Variants in MYO10 observed in about 807,000 individuals in gnomAD.
MYO10 encodes myosin X.
In MYO10, 133 loss-of-function variants were observed where a neutral mutation model predicts 257.3. The observed-to-expected ratio is 0.52, with a 90% CI of 0.45 to 0.60. The LOEUF is 0.60. Ranked by LOEUF, MYO10 falls within the 20% of genes least tolerant of loss-of-function variation. MYO10 has a pLI of 0.00. For synonymous variants in MYO10, 1,104 were observed against 1,028.6 expected (o/e 1.07, Z -1.40); for missense variants, 2,399 against 2,635.7 (o/e 0.91, Z 1.97).
rs911193315 is a variant in MYO10 at position 16,670,650 on chromosome 5, G to A, written c.5759C>T (p.Ala1920Val). 6.2e-7 allele frequency: 1 copy of A among 1,614,008 alleles called. No individual in the cohort carries two copies. The highest frequency in any genetic ancestry group is 8.5e-7 in the Non-Finnish European group (1 of 1,179,888). The change falls in exon 39 of 41, where the codon GCT (alanine) becomes GTT (valine). Residue 1920 changes from alanine to valine, a missense_variant. Coordinates refer to ENST00000513610, the MANE Select transcript of MYO10 (RefSeq NM_012334.3). ...DMWIKEEVSS[A>V]RASIIDKWRK... ...CCACTTGTCAATGATACTGGCTCGA[G>A]CAGAGGAGACTTCTTCCTTAATCCA...
chr5:16,811,992 C>T lies in MYO10; in HGVS notation c.279+6017G>A, dbSNP rs554415905. Among the ~76,000 whole-genome samples the T allele has an allele frequency of 9.2e-4, 140 of 152,320 alleles. 1 individual carries two copies. Among genetic ancestry groups the T allele is most frequent in the African/African-American group, 3.3e-3 (136 of 41,572 alleles). On this transcript the variant is annotated intron_variant, in intron 3 of 40. Coordinates refer to ENST00000513610, the MANE Select transcript of MYO10 (RefSeq NM_012334.3). ...TCCTCCTCTCCTTAGCGGGTATTTGCCCTTGCCAGGTCTTAGCAGGCGGTG... is the reference window on the plus strand; with the variant it reads ...TCCTCCTCTCCTTAGCGGGTATTTGTCCTTGCCAGGTCTTAGCAGGCGGTG...
chr5:16,721,071 A>G (rs542042048), intron 19 of MYO10, among the ~76,000 whole-genome samples: 3 of 152,092 alleles, frequency 2.0e-5, no homozygotes, highest in Non-Finnish European at 4.4e-5. Context: ...AAAATAAACA[A>G]CCTTATCTTC....
chr5:16,773,513 T>G (rs969628066), intron 9 of MYO10, among the ~76,000 whole-genome samples: 10 of 151,994 alleles, frequency 6.6e-5, no homozygotes, highest in African/African-American at 2.4e-4. Context: ...AAATTAAAAA[T>G]TCGCCTAGTG....
At position 16,685,858 on chromosome 5, in the gene MYO10, A is replaced by T. The variant is rs777142004; in HGVS notation, c.3897-27T>A. ...TGTGGGGAAGAGAGAGCAACTGTCA[A>T]GGAGAGGCCAACCTCGTACTGGCAA... is the stretch of plus-strand genomic sequence containing the variant. On this transcript the variant is annotated intron_variant, in intron 28 of 40. Coordinates refer to ENST00000513610, the MANE Select transcript of MYO10 (RefSeq NM_012334.3). 3 of 1,556,048 alleles carry T rather than the reference A, an allele frequency of 1.9e-6. 1 individual carries two copies. In the South Asian group the frequency reaches 3.5e-5, roughly 18 times the overall value.
At position 16,702,921 on chromosome 5, in the gene MYO10, G is replaced by A. The variant is rs1205116284; in HGVS notation, c.2510+4C>T. On this transcript the variant is annotated splice_donor_region_variant and intron_variant, in intron 23 of 40. Transcript: ENST00000513610. ...GTTTCATCCCAGCAAGAAAGGTACT[G>A]TACCTTTCTTCTTCCTCCCGTTTCT... The A allele has an allele frequency of 3.9e-6, 6 of 1,549,966 alleles. No homozygotes were observed. In the East Asian group the frequency reaches 1.2e-4, roughly 32 times the overall value.
In MYO10 at chr5:16,701,168, G is replaced by A; in HGVS notation, c.3227C>T (p.Pro1076Leu). The change falls in exon 25 of 41, where the codon CCC becomes CTC. Residue 1076 changes from proline to leucine, a missense_variant. Pro to Leu is a moderately conservative substitution (Grantham distance 98). This residue lies in a region of MYO10 where 1,820 missense variants were observed against 1,939.4 expected (regional missense o/e 0.94). Coordinates refer to ENST00000513610, the MANE Select transcript of MYO10 (RefSeq NM_012334.3). This position sits in a 1 kb window ranked among gnomAD's most constrained non-coding sequence, Gnocchi z 8.1. ...SSSGESTYCM[P>L]QNAGDLPSPD... ...GGAGGGCAAGTCCCCAGCGTTCTGG[G>A]GCATGCAGTAGGTGGACTCGCCGCT... 1 of 1,606,564 alleles carries A rather than the reference G, an allele frequency of 6.2e-7. No individual in the cohort carries two copies. Among genetic ancestry groups the A allele is most frequent in the South Asian group, 1.1e-5 (1 of 89,476 alleles).
intron 4 of MYO10, among the ~76,000 whole-genome samples, chr5:16,787,946 C>G (rs1201934628): frequency 1.3e-5 from 2 of 152,120 alleles, no homozygotes; most frequent in African/African-American, 4.8e-5. Context: ...GCGCCTGCCA[C>G]CACGCCCAGC....
chr5:16,827,966 T>C (rs1011630312), intron 2 of MYO10, among the ~76,000 whole-genome samples: 32 of 152,244 alleles, frequency 2.1e-4, no homozygotes, highest in African/African-American at 7.7e-4. Flanking sequence ...CTTGGTATCA[T>C]GGGGAAGCAT....
rs1736184084 is a variant in MYO10 at position 16,666,694 on chromosome 5, A to G, written c.6175T>C (p.Ter2059ArgextTer66). The G allele has an allele frequency of 1.9e-6, 3 of 1,599,362 alleles. No individual in the cohort carries two copies. The highest frequency in any genetic ancestry group is 2.3e-5 in the South Asian group (2 of 88,510). Residue 2059 changes from the stop codon to arginine (R), a stop_lost, in exon 41 of 41, where the codon TGA becomes CGA. Transcript: ENST00000513610. Reference sequence around the variant, plus strand: ...GACAGGTGGGCTCTGTCCCGCCTTCACCTGGAGCTGCCCTGGCTGCTGGCG... The same window carrying G: ...GACAGGTGGGCTCTGTCCCGCCTTCGCCTGGAGCTGCCCTGGCTGCTGGCG... ...RSASSQGSSR[*>R]
intron 10 of MYO10, 141 bp downstream of exon 10, chr5:16,768,933 C>T (rs1209087675): frequency 1.9e-6 from 2 of 1,076,056 alleles, no homozygotes; most frequent in Non-Finnish European, 1.3e-6. Flanking sequence ...GCCTCCACCT[C>T]CCAAAGTGCT....
At chr5:16,776,901 T>A (rs539175737) in intron 9 of MYO10, among the ~76,000 whole-genome samples, 158 of 152,328 alleles carry the variant, frequency 1.0e-3, no homozygotes, top group African/African-American at 3.8e-3. Flanking sequence ...TAATCAGGTG[T>A]CTTGTCTGTA....
chr5:16,868,521 T>C (rs533010108), intron 2 of MYO10, among the ~76,000 whole-genome samples: 2 of 152,214 alleles, frequency 1.3e-5, no homozygotes, highest in South Asian at 4.2e-4. Context: ...GGAGAATCGC[T>C]TGAACCCGGG....
rs1170690899 is a variant in MYO10, at chr5:16,701,206, T to C, written c.3189A>G (p.Leu1063=). 2 of 1,611,280 alleles carry C rather than the reference T, an allele frequency of 1.2e-6. No individual in the cohort carries two copies. ...LAPSVQDSGS[L]HNSSSGESTY... Reference sequence around the variant, plus strand: ...TGGACTCGCCGCTGGAGGAGTTGTGTAGGCTCCCGGAGTCCTGCACTGATG... The same window carrying C: ...TGGACTCGCCGCTGGAGGAGTTGTGCAGGCTCCCGGAGTCCTGCACTGATG... Residue 1063 remains leucine (L), a synonymous_variant, in exon 25 of 41, where the codon CTA becomes CTG. Coordinates refer to ENST00000513610, the MANE Select transcript of MYO10 (RefSeq NM_012334.3). This position sits in a 1 kb window ranked among gnomAD's most constrained non-coding sequence, Gnocchi z 8.1.
At chr5:16,672,325 T>C (rs1736505788) in intron 37 of MYO10, among the ~76,000 whole-genome samples, 1 of 151,094 alleles carries the variant, frequency 6.6e-6, no homozygotes. Context: ...CCATTTTATA[T>C]TGTAGACATA....
At chr5:16,815,162 C>CA (rs35892466) in intron 3 of MYO10, 239,974 of 287,044 alleles carry the variant, frequency 0.84, 99,880 homozygotes, top group Non-Finnish European at 0.88. Context: ...GACACTATTA[C>CA]AAAAAAAAAC....
chr5:16,888,680 T>C (rs1017780521), intron 1 of MYO10, among the ~76,000 whole-genome samples: 6 of 151,596 alleles, frequency 4.0e-5, no homozygotes, highest in African/African-American at 7.3e-5. Context: ...TGTTCGAGGA[T>C]ACAGTGAGCT....
At chr5:16,870,904 A>C (rs116548118) in intron 2 of MYO10, among the ~76,000 whole-genome samples, 4,912 of 152,230 alleles carry the variant, frequency 0.032, 301 homozygotes, top group African/African-American at 0.11. Context: ...CACACACAAA[A>C]AAAATTCTCT....
chr5:16,782,301 A>T (rs1055430565), intron 5 of MYO10, among the ~76,000 whole-genome samples: 2 of 152,132 alleles, frequency 1.3e-5, no homozygotes, highest in African/African-American at 4.8e-5. Flanking sequence ...TCTGGAAAGG[A>T]CCAGACAGTA....
intron 2 of MYO10, among the ~76,000 whole-genome samples, chr5:16,839,546 C>A (rs1266022167): frequency 6.6e-6 from 1 of 152,096 alleles, no homozygotes; most frequent in African/African-American, 2.4e-5. Flanking sequence ...AGTTCGAGAC[C>A]AGCCTGGGCA....
Sources: allele counts gnomAD v4.1 joint callset (sites outside exome capture counted in the v4.1 genomes callset), GRCh38; gene constraint gnomAD v4.1.1; regional missense constraint gnomAD v4.1.1; non-coding constraint Gnocchi (gnomAD v3.1); transcripts MANE v1.5; gene names NCBI Gene and HGNC (gene_info 2026-07-23, HGNC 2026-07-21).